MED28: variants seen among roughly 807,000 people sequenced by gnomAD.
The protein encoded by MED28 is mediator complex subunit 28.
Under a neutral mutation model 21.3 loss-of-function variants are expected in MED28, and 26 were observed. The ratio of observed to expected loss-of-function variants is 1.22; its 90% CI spans 0.89 to 1.69. The LOEUF (loss-of-function observed/expected upper bound fraction) is 1.69, where lower values mean the gene tolerates loss of function less well. Ranked by LOEUF, MED28 falls within the 40% of genes most tolerant of loss-of-function variation. The pLI is 0.00. For synonymous variants in MED28, 110 were observed against 87.6 expected (o/e 1.26, Z -1.43); for missense variants, 257 against 215.4 (o/e 1.19, Z -1.21).
chr4:17,622,492 G>A (rs918765403), intron 3 of MED28, among the ~76,000 whole-genome samples: 6 of 152,292 alleles, frequency 3.9e-5, no homozygotes, highest in African/African-American at 1.4e-4. Flanking sequence ...GGTTAGTAAA[G>A]GATGTAATGC....
chr4:17,620,167 A>G, intron 2 of MED28, 200 bp downstream of exon 2: 1 of 580,356 alleles, frequency 1.7e-6, no homozygotes, highest in Non-Finnish European at 3.1e-6. Flanking sequence ...CGAATCATTT[A>G]TAATGAACTT....
rs1168385169 is a variant in MED28, at chr4:17,624,753, G to A, written c.*955G>A. Reference sequence around the variant, plus strand: ...GGACTAGAGTGTCGTGGTGGGGGTGGGGAGGGGCTGCAGGGTGATCATTGG... The same window carrying A: ...GGACTAGAGTGTCGTGGTGGGGGTGAGGAGGGGCTGCAGGGTGATCATTGG... On this transcript the variant is annotated 3_prime_UTR_variant, in exon 4 of 4. Transcript: ENST00000237380. 6.6e-6 allele frequency: 1 copy of A among 152,034 alleles called. No homozygotes were observed. Among genetic ancestry groups the A allele is most frequent in the Non-Finnish European group, 1.5e-5 (1 of 68,014 alleles). The allele number at this position is 152,034 out of a possible 1,614,324, so 9.4% of individuals were successfully genotyped here.
At chr4:17,622,638 C>G (rs1714669297) in intron 3 of MED28, among the ~76,000 whole-genome samples, 1 of 152,144 alleles carries the variant, frequency 6.6e-6, no homozygotes, top group Non-Finnish European at 1.5e-5. Flanking sequence ...TCAGCAGTAG[C>G]CTTTGGAGAG....
At position 17,614,691 on chromosome 4, in the gene MED28, C is replaced by G; in HGVS notation, c.37C>G (p.Pro13Ala). ...ACTAGGGGGTATGTTTTCTGGGCAG[C>G]CACCCGGTCCCCCTCAGGCCCCGCC... is the stretch of plus-strand genomic sequence containing the variant. ...APLGGMFSGQPPGPPQAPPGL... is the reference protein window; with the variant it reads ...APLGGMFSGQAPGPPQAPPGL... The change falls in exon 1 of 4, where the codon CCA (proline) becomes GCA (alanine). Residue 13 changes from proline to alanine, a missense_variant. By Grantham distance (27) the Pro-to-Ala change is conservative. Coordinates refer to ENST00000237380, the MANE Select transcript of MED28 (RefSeq NM_025205.5). 1 of 1,613,728 alleles carries G rather than the reference C, an allele frequency of 6.2e-7. No individual in the cohort carries two copies. The highest frequency in any genetic ancestry group is 8.5e-7 in the Non-Finnish European group (1 of 1,179,920).
intron 1 of MED28, among the ~76,000 whole-genome samples, chr4:17,618,256 A>G (rs1714517577): frequency 6.6e-6 from 1 of 152,006 alleles, no homozygotes; most frequent in African/African-American, 2.4e-5. Context: ...TGATCCACCC[A>G]TCTTGGCCTC....
chr4:17,628,346 G>GTGTA lies in MED28; in HGVS notation c.*4549_*4550insGTAT, dbSNP rs1553826025. 30 of 150,640 alleles carry GTGTA rather than the reference G, an allele frequency of 2.0e-4. No individual in the cohort carries two copies. Among genetic ancestry groups the GTGTA allele is most frequent in the African/African-American group, 7.1e-4 (29 of 41,034 alleles). 9.3% of individuals were successfully genotyped at this position (150,640 alleles called of 1,614,324 possible). A position where few individuals can be genotyped will look rare whatever the true frequency, so the allele number is the denominator to read the frequency against. On this transcript the variant is annotated 3_prime_UTR_variant, in exon 4 of 4. Coordinates refer to ENST00000237380, the MANE Select transcript of MED28 (RefSeq NM_025205.5). ...TGTGTGTATATATATATGTGTGTGT[G>GTGTA]TATATATATATATGCAATTATACCT...
chr4:17,625,842 A>G lies in MED28; in HGVS notation c.*2044A>G, dbSNP rs1357091785. On this transcript the variant is annotated 3_prime_UTR_variant, in exon 4 of 4. Coordinates refer to ENST00000237380, the MANE Select transcript of MED28 (RefSeq NM_025205.5). The stretch of plus-strand genomic sequence containing the variant: ...GAAGAGACTCCTGCTGTGATTGTCC[A>G]GGGGTACGTTCTGGTCTGGCTTGGT... 3.4e-6 allele frequency: 1 copy of G among 296,744 alleles called. No homozygotes were observed. Among genetic ancestry groups the G allele is most frequent in the Non-Finnish European group, 6.6e-6 (1 of 150,694 alleles). The allele number at this position is 296,744 out of a possible 1,614,324, so 18.4% of individuals were successfully genotyped here. A position where few individuals can be genotyped will look rare whatever the true frequency, so the allele number is the denominator to read the frequency against.
In MED28 at chr4:17,625,717, G is replaced by A. The variant is rs1027387320; in HGVS notation, c.*1919G>A. 4.6e-6 allele frequency: 2 copies of A among 438,504 alleles called. No homozygotes were observed. Among genetic ancestry groups the A allele is most frequent in the Admixed American group, 5.5e-5 (2 of 36,566 alleles). The allele number at this position is 438,504 out of a possible 1,614,324, so 27.2% of individuals were successfully genotyped here. ...CCTCTGAGCTGCTAACTTTTTCAGG[G>A]AGAAAATCACAAGCCATCTTCTCAA... is the stretch of plus-strand genomic sequence containing the variant. On this transcript the variant is annotated 3_prime_UTR_variant, in exon 4 of 4. Transcript: ENST00000237380.
chr4:17,621,367 C>CT (rs965607198), intron 2 of MED28, among the ~76,000 whole-genome samples: 26 of 146,382 alleles, frequency 1.8e-4, no homozygotes, highest in African/African-American at 2.2e-4. Context: ...ATATCTCTCT[C>CT]TTTTTTTTTT....
Position 17,628,179 on chromosome 4 carries a change from A to G in MED28, c.*4381A>G, listed in dbSNP as rs540697373. The G allele has an allele frequency of 6.6e-6, 1 of 152,216 alleles. No homozygotes were observed. Among genetic ancestry groups the G allele is most frequent in the East Asian group, 1.9e-4 (1 of 5,176 alleles). 9.4% of individuals were successfully genotyped at this position (152,216 alleles called of 1,614,324 possible). A position where few individuals can be genotyped will look rare whatever the true frequency, so the allele number is the denominator to read the frequency against. On this transcript the variant is annotated 3_prime_UTR_variant, in exon 4 of 4. Coordinates refer to ENST00000237380, the MANE Select transcript of MED28 (RefSeq NM_025205.5). ...TTAATAATTTTGTCTAAGCACGTACAAAGAAAATTCAAGGTCAGTTTACCA... is the reference window on the plus strand; with the variant it reads ...TTAATAATTTTGTCTAAGCACGTACGAAGAAAATTCAAGGTCAGTTTACCA...
chr4:17,618,700 T>C, intron 1 of MED28, among the ~76,000 whole-genome samples: 1 of 151,924 alleles, frequency 6.6e-6, no homozygotes, highest in Non-Finnish European at 1.5e-5. Flanking sequence ...GTATTTTTAT[T>C]AGAGATGGGG....
At chr4:17,621,810 T>C (rs1714644841) in intron 3 of MED28, 111 bp downstream of exon 3, 2 of 746,942 alleles carry the variant, frequency 2.7e-6, no homozygotes, top group Admixed American at 2.9e-5. Flanking sequence ...ATTCAGGCTT[T>C]ATAGGTCAGT....
Position 17,623,648 on chromosome 4 carries a change from C to G in MED28, c.387C>G (p.Val129=), listed in dbSNP as rs746273415. 1 of 1,614,168 alleles carries G rather than the reference C, an allele frequency of 6.2e-7. No homozygotes were observed. Among genetic ancestry groups the G allele is most frequent in the Non-Finnish European group, 8.5e-7 (1 of 1,180,042 alleles). The change falls in exon 4 of 4, where the codon GTC becomes GTG. Residue 129 remains valine, a synonymous_variant. Coordinates refer to ENST00000237380, the MANE Select transcript of MED28 (RefSeq NM_025205.5). ...AATTACAGCGGAAAGATGCACTAGT[C>G]CAGAAGCACTTGACAAAGCTGAGGC... ...RNELQRKDAL[V]QKHLTKLRHW... is the part of the protein sequence containing the mutation.
chr4:17,620,475 A>G (rs1714591006), intron 2 of MED28, among the ~76,000 whole-genome samples: 1 of 151,800 alleles, frequency 6.6e-6, no homozygotes, highest in African/African-American at 2.4e-5. Flanking sequence ...ATGGAACTAC[A>G]GGCATGCACT....
rs745409620 is a variant in MED28, at chr4:17,630,768, T to C, written c.*6970T>C. Reference sequence around the variant, plus strand: ...CTTTAATACGTAAGTTTGACAGTTATATGTAATCAGCTTTTTTTTTTTTAA... The same window carrying C: ...CTTTAATACGTAAGTTTGACAGTTACATGTAATCAGCTTTTTTTTTTTTAA... On this transcript the variant is annotated 3_prime_UTR_variant, in exon 4 of 4. Coordinates refer to ENST00000237380, the MANE Select transcript of MED28 (RefSeq NM_025205.5). The C allele has an allele frequency of 1.5e-5, 2 of 131,084 alleles. No homozygotes were observed. Among genetic ancestry groups the C allele is most frequent in the South Asian group, 2.5e-4 (1 of 3,924 alleles). 8.1% of individuals were successfully genotyped at this position (131,084 alleles called of 1,614,324 possible). A position where few individuals can be genotyped will look rare whatever the true frequency, so the allele number is the denominator to read the frequency against.
rs895824512 is a variant in MED28, at chr4:17,631,177, G to A, written c.*7379G>A. 1.3e-5 allele frequency: 2 copies of A among 152,104 alleles called. No homozygotes were observed. Among genetic ancestry groups the A allele is most frequent in the African/African-American group, 2.4e-5 (1 of 41,368 alleles). The allele number at this position is 152,104 out of a possible 1,614,324, so 9.4% of individuals were successfully genotyped here. On this transcript the variant is annotated 3_prime_UTR_variant, in exon 4 of 4. Coordinates refer to ENST00000237380, the MANE Select transcript of MED28 (RefSeq NM_025205.5). ...AGAAGCAACACACCATGAGGCAAAT[G>A]GCTCAAACCCAAAGACCAGAGGTTC...
At position 17,625,646 on chromosome 4, in the gene MED28, CTGTT is replaced by C. The variant is rs1205929892; in HGVS notation, c.*1852_*1855del. ...CCAAATAACAATTTTTCAATCTTCT[CTGTT>C]TGTAGACATCTTACTGGGTGATGAA... On this transcript the variant is annotated 3_prime_UTR_variant, in exon 4 of 4. Coordinates refer to ENST00000237380, the MANE Select transcript of MED28 (RefSeq NM_025205.5). The C allele has an allele frequency of 8.9e-6, 4 of 446,992 alleles. No homozygotes were observed. The highest frequency in any genetic ancestry group is 3.2e-5 in the South Asian group (2 of 62,448). The allele number at this position is 446,992 out of a possible 1,614,324, so 27.7% of individuals were successfully genotyped here.
intron 1 of MED28, among the ~76,000 whole-genome samples, chr4:17,616,242 A>C (rs956930413): frequency 1.3e-5 from 2 of 152,244 alleles, no homozygotes; most frequent in Non-Finnish European, 2.9e-5. Flanking sequence ...GGCGTGAGCC[A>C]CTGCGCCTAG....
At chr4:17,621,314 AT>A (rs1714623001) in intron 2 of MED28, among the ~76,000 whole-genome samples, 1 of 151,680 alleles carries the variant, frequency 6.6e-6, no homozygotes, top group South Asian at 2.1e-4. Context: ...GCCCAGCTGC[AT>A]TGTCTTTTTA....
Sources: allele counts gnomAD v4.1 joint callset (sites outside exome capture counted in the v4.1 genomes callset), GRCh38; gene constraint gnomAD v4.1.1; transcripts MANE v1.5; gene names NCBI Gene and HGNC (gene_info 2026-07-23, HGNC 2026-07-21).